The following RAD51B variants were observed in gnomAD, a reference collection of about 807,000 sequenced individuals.
RAD51B encodes the protein RAD51 paralog B.
Under a neutral mutation model 42.2 loss-of-function variants are expected in RAD51B, and 38 were observed. That is an observed-to-expected ratio of 0.90 (90% CI 0.70 to 1.18). The LOEUF (loss-of-function observed/expected upper bound fraction) is 1.18. Among genes scored for constraint, RAD51B ranks in the 50% most tolerant of loss-of-function variants. RAD51B has a pLI of 0.00. For synonymous variants in RAD51B, 154 were observed against 145.2 expected, an observed-to-expected ratio of 1.06 and a Z score of -0.43; for missense variants, 373 against 400.7, an observed-to-expected ratio of 0.93 and a Z score of 0.59.
chr14:68,422,306 T>A, intron 9 of RAD51B: 1 of 572,366 alleles, frequency 1.7e-6, no homozygotes, highest in Non-Finnish European at 3.3e-6. Flanking sequence ...CTCACGCCTG[T>A]AATCCCAGCA....
intron 10 of RAD51B, among the ~76,000 whole-genome samples, chr14:68,592,492 T>C (rs367722908): frequency 2.0e-5 from 3 of 152,178 alleles, no homozygotes; most frequent in African/African-American, 7.2e-5. Context: ...GAGGTACAAG[T>C]ATCACTATGC....
At chr14:68,596,764 T>C (rs1188606425), downstream of RAD51B, among the ~76,000 whole-genome samples, 1 of 152,154 alleles carries the variant, frequency 6.6e-6, no homozygotes, top group Non-Finnish European at 1.5e-5. Flanking sequence ...AGAAGCAGAG[T>C]CAAGATCATG....
intron 8 of RAD51B, among the ~76,000 whole-genome samples, chr14:68,313,763 A>G (rs186810923): frequency 1.3e-5 from 2 of 152,322 alleles, no homozygotes; most frequent in East Asian, 1.9e-4. Flanking sequence ...TTGAGTGACA[A>G]TCAGGGAGAT....
chr14:68,582,578 T>C (rs537224000), intron 10 of RAD51B, among the ~76,000 whole-genome samples: 44 of 152,288 alleles, frequency 2.9e-4, no homozygotes, highest in African/African-American at 1.0e-3. Flanking sequence ...GTCCAACCAT[T>C]GTGGAAGACA....
intron 8 of RAD51B, among the ~76,000 whole-genome samples, chr14:68,321,171 A>C (rs371178418): frequency 2.0e-5 from 3 of 152,176 alleles, no homozygotes; most frequent in Admixed American, 2.0e-4. Context: ...CCCACCAAAA[A>C]AGTAAAACTA....
At chr14:67,866,490 G>A (rs2042339793) in intron 5 of RAD51B, among the ~76,000 whole-genome samples, 1 of 152,132 alleles carries the variant, frequency 6.6e-6, no homozygotes, top group South Asian at 2.1e-4. Context: ...GGGGAATTTG[G>A]GTAAAGAATT....
chr14:68,417,276 GTGTGTGTGACTAGA>G (rs2084584986), intron 9 of RAD51B, among the ~76,000 whole-genome samples: 1 of 152,230 alleles, frequency 6.6e-6, no homozygotes, highest in South Asian at 2.1e-4. Context: ...GTGAGTATGT[GTGTGTGTGACTAGA>G]TCCCGCCAGA....
chr14:67,999,059 A>G (rs924707724), intron 7 of RAD51B, among the ~76,000 whole-genome samples: 11 of 151,798 alleles, frequency 7.2e-5, no homozygotes, highest in African/African-American at 1.2e-4. Context: ...TGGGGTTATC[A>G]TTCCTTGTGG....
chr14:68,199,861 G>A (rs763097243), intron 7 of RAD51B, among the ~76,000 whole-genome samples: 3 of 152,170 alleles, frequency 2.0e-5, no homozygotes, highest in Non-Finnish European at 4.4e-5. Context: ...GCACTGTAGC[G>A]TTGTCTGGCA....
At chr14:68,248,504 A>G (rs1368405633) in intron 7 of RAD51B, among the ~76,000 whole-genome samples, 1 of 152,110 alleles carries the variant, frequency 6.6e-6, no homozygotes, top group Non-Finnish European at 1.5e-5. Context: ...AGTGAAGTTC[A>G]TGATTCTACT....
At chr14:67,942,090 T>C (rs1200128563) in intron 7 of RAD51B, among the ~76,000 whole-genome samples, 1 of 152,238 alleles carries the variant, frequency 6.6e-6, no homozygotes, top group Non-Finnish European at 1.5e-5. Context: ...CTGCTGGTTA[T>C]AATTCATAGA....
At chr14:68,344,346 C>G (rs2082628236) in intron 8 of RAD51B, among the ~76,000 whole-genome samples, 1 of 152,238 alleles carries the variant, frequency 6.6e-6, no homozygotes, top group South Asian at 2.1e-4. Flanking sequence ...TATTTTGGAG[C>G]TTTAAGATTT....
intron 10 of RAD51B, among the ~76,000 whole-genome samples, chr14:68,629,224 C>T (rs1232967668): frequency 6.6e-6 from 1 of 152,218 alleles, no homozygotes; most frequent in Non-Finnish European, 1.5e-5. Context: ...AGCTGCCCCG[C>T]CTCTTCCCTG....
chr14:68,624,177 T>C (rs1892017254), intron 10 of RAD51B, among the ~76,000 whole-genome samples: 1 of 152,228 alleles, frequency 6.6e-6, no homozygotes, highest in Non-Finnish European at 1.5e-5. Flanking sequence ...ATGTGTTGCT[T>C]AGAAAAGAAT....
At chr14:68,028,427 C>T (rs2075987934) in intron 7 of RAD51B, among the ~76,000 whole-genome samples, 1 of 152,274 alleles carries the variant, frequency 6.6e-6, no homozygotes, top group African/African-American at 2.4e-5. Context: ...GCATGCCCTG[C>T]TTTTATGCCA....
chr14:68,430,466 C>G (rs1268550210), intron 9 of RAD51B, among the ~76,000 whole-genome samples: 2 of 152,144 alleles, frequency 1.3e-5, no homozygotes, highest in African/African-American at 4.8e-5. Flanking sequence ...TCCTTCACAT[C>G]CCTTGGAAGT....
chr14:68,434,551 C>T (rs567457437), intron 9 of RAD51B, among the ~76,000 whole-genome samples: 5 of 152,318 alleles, frequency 3.3e-5, no homozygotes, highest in East Asian at 3.9e-4. Context: ...GCCAGGCGTG[C>T]GTTATAATCT....
intron 7 of RAD51B, among the ~76,000 whole-genome samples, chr14:67,974,353 T>C (rs2074950433): frequency 6.6e-6 from 1 of 152,104 alleles, no homozygotes; most frequent in South Asian, 2.1e-4. Context: ...GCCATTGTTT[T>C]TCTACTAAAT....
intron 7 of RAD51B, among the ~76,000 whole-genome samples, chr14:68,169,532 A>C (rs1433961228): frequency 6.6e-6 from 1 of 152,134 alleles, no homozygotes; most frequent in African/African-American, 2.4e-5. Context: ...TTATTCTTTG[A>C]ACTTTTAAAT....
Sources: allele counts gnomAD v4.1 joint callset (sites outside exome capture counted in the v4.1 genomes callset), GRCh38; gene constraint gnomAD v4.1.1; transcripts MANE v1.5; gene names NCBI Gene and HGNC (gene_info 2026-07-23, HGNC 2026-07-21).